The following ST6GALNAC5 variants were observed in gnomAD, a reference collection of about 807,000 sequenced individuals.
ST6GALNAC5 encodes ST6 N-acetylgalactosaminide alpha-2,6-sialyltransferase 5.
ST6GALNAC5 carries 27 observed loss-of-function variants against 33.6 expected under a neutral mutation model. The ratio of observed to expected loss-of-function variants is 0.80; its 90% confidence interval spans 0.59 to 1.11. The LOEUF is 1.11. Among genes scored for constraint, ST6GALNAC5 ranks in the 50% least tolerant of loss-of-function variants. The probability of loss-of-function intolerance (pLI) is 0.00; values close to 1 mark genes in which losing one functional copy is unlikely to be tolerated. For missense variants in ST6GALNAC5, 428 were observed against 454.0 expected (o/e 0.94, Z 0.52); for synonymous variants, 194 against 171.2 (o/e 1.13, Z -1.04).
chr1:76,877,000 A>C (rs539705207), intron 2 of ST6GALNAC5, among the ~76,000 whole-genome samples: 1 of 152,306 alleles, frequency 6.6e-6, no homozygotes, highest in East Asian at 1.9e-4. Flanking sequence ...GATCACGTAT[A>C]CACCACTTCC....
chr1:77,022,006 C>T (rs992862322), intron 2 of ST6GALNAC5, among the ~76,000 whole-genome samples: 2 of 152,154 alleles, frequency 1.3e-5, no homozygotes, highest in African/African-American at 4.8e-5. Flanking sequence ...CTGCGCCCCC[C>T]GTTTGTCTTT....
At chr1:77,008,892 C>T (rs1650526358) in intron 2 of ST6GALNAC5, among the ~76,000 whole-genome samples, 1 of 152,204 alleles carries the variant, frequency 6.6e-6, no homozygotes. Context: ...AAACTGATGC[C>T]TTTGGCCTGG....
chr1:76,885,986 C>T (rs955786377), intron 2 of ST6GALNAC5, among the ~76,000 whole-genome samples: 3 of 152,204 alleles, frequency 2.0e-5, no homozygotes, highest in Non-Finnish European at 4.4e-5. Context: ...TAGAGGTGAT[C>T]GCCATCTTCA....
At chr1:77,044,642 G>T in intron 3 of ST6GALNAC5, 29 bp downstream of exon 3, 4 of 1,519,140 alleles carry the variant, frequency 2.6e-6, no homozygotes, top group Non-Finnish European at 3.5e-6. Context: ...GAAGATGCAG[G>T]GGAGGGTGAG....
At chr1:77,025,100 C>T (rs1426528865) in intron 2 of ST6GALNAC5, among the ~76,000 whole-genome samples, 1 of 152,184 alleles carries the variant, frequency 6.6e-6, no homozygotes, top group Admixed American at 6.5e-5. Flanking sequence ...CTTGCACTCC[C>T]CAGCCATCCT....
intron 3 of ST6GALNAC5, among the ~76,000 whole-genome samples, chr1:77,049,263 C>A (rs916165187): frequency 6.6e-6 from 1 of 152,122 alleles, no homozygotes; most frequent in Non-Finnish European, 1.5e-5. Flanking sequence ...AGCCTTCCTG[C>A]ACCTCTGTTA....
intron 2 of ST6GALNAC5, among the ~76,000 whole-genome samples, chr1:76,967,487 A>G (rs1648545371): frequency 6.6e-6 from 1 of 152,058 alleles, no homozygotes; most frequent in Admixed American, 6.6e-5. Flanking sequence ...CTTCTTTAGC[A>G]GTCTTGCTAG....
At chr1:76,886,950 T>C (rs1293920510) in intron 2 of ST6GALNAC5, among the ~76,000 whole-genome samples, 1 of 152,224 alleles carries the variant, frequency 6.6e-6, no homozygotes, top group Non-Finnish European at 1.5e-5. Flanking sequence ...TTCCATTCAT[T>C]AGATGATGGA....
At chr1:76,884,557 C>G (rs1570637568) in intron 2 of ST6GALNAC5, among the ~76,000 whole-genome samples, 1 of 152,124 alleles carries the variant, frequency 6.6e-6, no homozygotes, top group Non-Finnish European at 1.5e-5. Context: ...TAGAAGAGTC[C>G]CATTCAAACC....
chr1:76,870,019 C>T (rs1269835825), intron 2 of ST6GALNAC5, among the ~76,000 whole-genome samples: 2 of 150,892 alleles, frequency 1.3e-5, no homozygotes, highest in African/African-American at 2.4e-5. Context: ...TTCAGGGAAG[C>T]AAAAAAGGAG....
chr1:76,925,944 C>T (rs1570678705), intron 2 of ST6GALNAC5, among the ~76,000 whole-genome samples: 1 of 152,254 alleles, frequency 6.6e-6, no homozygotes, highest in South Asian at 2.1e-4. Context: ...ACATGCAGCT[C>T]TTTAGGTACC....
intron 2 of ST6GALNAC5, among the ~76,000 whole-genome samples, chr1:76,938,060 G>C (rs1261148657): frequency 6.6e-6 from 1 of 152,034 alleles, no homozygotes; most frequent in East Asian, 1.9e-4. Context: ...AAAGAGCATC[G>C]AGAAGAAAAT....
chr1:77,061,748 C>T (rs571852241), intron 4 of ST6GALNAC5, among the ~76,000 whole-genome samples: 5 of 152,236 alleles, frequency 3.3e-5, no homozygotes, highest in African/African-American at 7.2e-5. Flanking sequence ...CTCTTTAGTG[C>T]GTAAATATTT....
At position 77,062,991 on chromosome 1, in the gene ST6GALNAC5, T is replaced by C; in HGVS notation, c.796T>C (p.Ser266Pro). 6.2e-7 allele frequency: 1 copy of C among 1,613,848 alleles called. No individual in the cohort carries two copies. Among genetic ancestry groups the C allele is most frequent in the Non-Finnish European group, 8.5e-7 (1 of 1,179,828 alleles). Residue 266 changes from serine to proline, a missense_variant, in exon 5 of 5, where the codon TCA becomes CCA. By Grantham distance (74) the Ser-to-Pro change is moderately conservative. Transcript: ENST00000477717. The stretch of plus-strand genomic sequence containing the variant: ...CTCCTACAGGGATCCCAATCACCCT[T>C]CAGTACCTTATCATTATTATGAACC... The part of the protein sequence containing the change: ...PDFCRDPNHP[S>P]VPYHYYEPFG...
At chr1:76,923,279 A>AT (rs1414438501) in intron 2 of ST6GALNAC5, among the ~76,000 whole-genome samples, 3 of 131,950 alleles carry the variant, frequency 2.3e-5, no homozygotes, top group Non-Finnish European at 5.4e-5. Context: ...ATATTACCTA[A>AT]TGAAAAAAAA....
At chr1:76,923,110 A>C (rs1483642147) in intron 2 of ST6GALNAC5, among the ~76,000 whole-genome samples, 4 of 152,062 alleles carry the variant, frequency 2.6e-5, no homozygotes, top group Non-Finnish European at 5.9e-5. Context: ...TCTCAACTGG[A>C]TCAGTGTCAG....
At chr1:76,997,185 G>A (rs1649971290) in intron 2 of ST6GALNAC5, among the ~76,000 whole-genome samples, 1 of 152,172 alleles carries the variant, frequency 6.6e-6, no homozygotes, top group South Asian at 2.1e-4. Context: ...AAATAAACCT[G>A]TTGAGTAGAA....
chr1:76,944,113 T>C (rs988456155), intron 2 of ST6GALNAC5, among the ~76,000 whole-genome samples: 2 of 152,050 alleles, frequency 1.3e-5, no homozygotes, highest in Admixed American at 1.3e-4. Flanking sequence ...AATGCAATAG[T>C]TTTCATTCTG....
At position 77,001,846 on chromosome 1, in the gene ST6GALNAC5, G is replaced by C. The variant is rs1650180040; in HGVS notation, c.262-42358G>C. ...TGCATTCCAGGAATGAAGCCCACTT[G>C]ATCATGGTGGATAAGCTTTTTGATG... On this transcript the variant is annotated intron_variant, in intron 2 of 4. Coordinates refer to ENST00000477717, the MANE Select transcript of ST6GALNAC5 (RefSeq NM_030965.3). Among the ~76,000 whole-genome samples, 4 of 151,914 alleles carry C rather than the reference G, an allele frequency of 2.6e-5. No individual in the cohort carries two copies. The South Asian group carries it at 8.4e-4, about 32-fold the overall frequency.
Sources: gnomAD v4.1 joint callset for allele counts (sites outside exome capture counted in the v4.1 genomes callset) on GRCh38, gnomAD v4.1.1 for gene constraint, MANE v1.5 for transcripts, NCBI Gene and HGNC (gene_info 2026-07-23, HGNC 2026-07-21) for gene names.